The following CRB1 variants were observed in gnomAD, a reference collection of about 807,000 sequenced individuals.
CRB1 encodes the protein crumbs cell polarity complex component 1.
Under a neutral mutation model 120.0 loss-of-function variants are expected in CRB1, and 83 were observed. The observed-to-expected ratio is 0.69, with a 90% CI of 0.58 to 0.83. The LOEUF (loss-of-function observed/expected upper bound fraction) is 0.83. Ranked by LOEUF, CRB1 falls within the 40% of genes least tolerant of loss-of-function variation. CRB1 has a pLI of 0.00. For missense variants in CRB1, 1,699 were observed against 1,687.6 expected, an observed-to-expected ratio of 1.01 and a Z score of -0.12; for synonymous variants, 625 against 612.5, an observed-to-expected ratio of 1.02 and a Z score of -0.30.
intron 11 of CRB1, among the ~76,000 whole-genome samples, chr1:197,473,976 AG>A (rs1667097249): frequency 6.6e-6 from 1 of 152,218 alleles, no homozygotes; most frequent in Admixed American, 6.5e-5. Flanking sequence ...TGATACAGTT[AG>A]GGGAACTCTT....
At chr1:197,319,454 A>AAAAAAAAAAAG (rs1558050892) in intron 1 of CRB1, among the ~76,000 whole-genome samples, 1 of 140,240 alleles carries the variant, frequency 7.1e-6, no homozygotes, top group African/African-American at 3.1e-5. Context: ...AAAAAAAAAA[A>AAAAAAAAAAAG]AAAAGAAAGA....
chr1:197,426,386 C>T (rs184243507), intron 6 of CRB1, among the ~76,000 whole-genome samples: 1 of 152,046 alleles, frequency 6.6e-6, no homozygotes, highest in East Asian at 1.9e-4. Context: ...TCCAAATCGC[C>T]CTATTCCCTT....
intron 1 of CRB1, among the ~76,000 whole-genome samples, chr1:197,288,786 A>C (rs1448842260): frequency 6.6e-6 from 1 of 151,782 alleles, no homozygotes; most frequent in Non-Finnish European, 1.5e-5. Context: ...ATTAAACATA[A>C]AGAGAAAAAA....
chr1:197,323,082 A>C (rs1040433617), intron 1 of CRB1, among the ~76,000 whole-genome samples: 4 of 152,198 alleles, frequency 2.6e-5, no homozygotes, highest in Non-Finnish European at 5.9e-5. Flanking sequence ...AATATCAAAA[A>C]TAATATTGAA....
intron 1 of CRB1, among the ~76,000 whole-genome samples, chr1:197,275,542 CCT>C (rs1655156333): frequency 6.6e-6 from 1 of 151,920 alleles, no homozygotes; most frequent in South Asian, 2.1e-4. Flanking sequence ...TTATTTTCCC[CCT>C]CTTTACACTG....
chr1:197,252,116 G>A, the CRB1 span, among the ~76,000 whole-genome samples: 8 of 151,840 alleles, frequency 5.3e-5, no homozygotes, highest in South Asian at 1.2e-3. Flanking sequence ...AAATATTTTA[G>A]GCTTTGTGGG....
intron 2 of CRB1, among the ~76,000 whole-genome samples, chr1:197,340,506 A>G (rs1659390347): frequency 6.6e-6 from 1 of 152,188 alleles, no homozygotes; most frequent in African/African-American, 2.4e-5. Flanking sequence ...ACATTTCTAT[A>G]GAAATGTAGA....
intron 4 of CRB1, among the ~76,000 whole-genome samples, chr1:197,348,668 G>A (rs1659917649): frequency 6.6e-6 from 1 of 151,900 alleles, no homozygotes; most frequent in African/African-American, 2.4e-5. Flanking sequence ...AGTAGAGACG[G>A]GGTTTCACTG....
intron 5 of CRB1, among the ~76,000 whole-genome samples, chr1:197,419,512 G>A (rs185369911): frequency 3.9e-5 from 6 of 152,026 alleles, no homozygotes; most frequent in East Asian, 3.9e-4. Context: ...ACAGGCATGC[G>A]CCACCATGCT....
intron 1 of CRB1, among the ~76,000 whole-genome samples, chr1:197,292,253 A>G (rs1421670592): frequency 1.3e-5 from 2 of 152,186 alleles, no homozygotes; most frequent in Non-Finnish European, 2.9e-5. Flanking sequence ...CCAATCCCAC[A>G]GAAGTACAAA....
chr1:197,435,030 A>C lies in CRB1; in HGVS notation c.3167A>C (p.Asp1056Ala). 1 of 1,613,984 alleles carries C rather than the reference A, an allele frequency of 6.2e-7. No homozygotes were observed. The highest frequency in any genetic ancestry group is 1.3e-5 in the African/African-American group (1 of 75,024). ...ACCTCCAGGTGGCAAATGGAAGTGG[A>C]CAACGAAACACCTTTTGTGACCAGC... ...SQTSRWQMEV[D>A]NETPFVTSTI... is the part of the protein sequence containing the mutation. The change falls in exon 9 of 12, where the codon GAC becomes GCC. Residue 1056 changes from aspartate to alanine, a missense_variant. Transcript: ENST00000367400.
At chr1:197,226,298 A>AT in the CRB1 span, among the ~76,000 whole-genome samples, 1 of 152,200 alleles carries the variant, frequency 6.6e-6, no homozygotes, top group Admixed American at 6.6e-5. Flanking sequence ...TTTTATGCTT[A>AT]TTTTTTACCT....
At chr1:197,236,530 C>T in the CRB1 span, among the ~76,000 whole-genome samples, 1 of 152,116 alleles carries the variant, frequency 6.6e-6, no homozygotes, top group South Asian at 2.1e-4. Context: ...ACTTATTGCA[C>T]TGGCTGAAAC....
intron 11 of CRB1, among the ~76,000 whole-genome samples, chr1:197,465,391 A>T (rs1034469289): frequency 5.1e-4 from 76 of 149,788 alleles, no homozygotes; most frequent in Middle Eastern, 3.5e-3. Context: ...GTTTGTTTTT[A>T]TTTTTTTTTT....
the CRB1 span, among the ~76,000 whole-genome samples, chr1:197,202,862 T>G: frequency 6.6e-6 from 1 of 152,116 alleles, no homozygotes; most frequent in Non-Finnish European, 1.5e-5. Context: ...AGCATAATGA[T>G]TATACCCAAA....
chr1:197,452,903 A>T (rs1438354895), intron 11 of CRB1, among the ~76,000 whole-genome samples: 1 of 152,190 alleles, frequency 6.6e-6, no homozygotes, highest in Non-Finnish European at 1.5e-5. Context: ...AAATAATTGA[A>T]ATCAGGATTT....
intron 1 of CRB1, among the ~76,000 whole-genome samples, chr1:197,314,763 A>G (rs1428188443): frequency 6.6e-6 from 1 of 152,046 alleles, no homozygotes; most frequent in Non-Finnish European, 1.5e-5. Context: ...TGGTTTCTCA[A>G]TGCTTGAGAT....
intron 8 of CRB1, among the ~76,000 whole-genome samples, chr1:197,430,461 A>G (rs1182373313): frequency 3.3e-5 from 5 of 151,998 alleles, no homozygotes; most frequent in African/African-American, 4.8e-5. Flanking sequence ...TTACCATCCC[A>G]TTTCTCTGCC....
At chr1:197,270,096 A>G (rs1654827265) in intron 1 of CRB1, among the ~76,000 whole-genome samples, 1 of 152,118 alleles carries the variant, frequency 6.6e-6, no homozygotes, top group African/African-American at 2.4e-5. Flanking sequence ...TTCCCACCTG[A>G]CTTTAAAACA....
Sources: allele counts gnomAD v4.1 joint callset (sites outside exome capture counted in the v4.1 genomes callset), GRCh38; gene constraint gnomAD v4.1.1; transcripts MANE v1.5; gene names NCBI Gene and HGNC (gene_info 2026-07-23, HGNC 2026-07-21).